Variants in LARGE1 observed in about 807,000 individuals in gnomAD.
The protein encoded by LARGE1 is LARGE xylosyl- and glucuronyltransferase 1, also known as xylosyl- and glucuronyltransferase LARGE1.
A neutral mutation model predicts 87.6 loss-of-function variants in LARGE1; 43 were observed. The observed-to-expected ratio is 0.49, with a 90% CI of 0.38 to 0.63. The LOEUF (loss-of-function observed/expected upper bound fraction) is 0.63. Among genes scored for constraint, LARGE1 ranks in the 30% least tolerant of loss-of-function variants. The pLI is 0.00. For missense variants in LARGE1, 802 were observed against 1,000.2 expected, an observed-to-expected ratio of 0.80 and a Z score of 2.67; for synonymous variants, 434 against 394.6, an observed-to-expected ratio of 1.10 and a Z score of -1.18.
the LARGE1 span, among the ~76,000 whole-genome samples, chr22:33,120,407 T>TTTCTTTCA: frequency 1.0e-5 from 1 of 99,180 alleles, no homozygotes; most frequent in Non-Finnish European, 1.9e-5. Context: ...TCTTTCTTTC[T>TTTCTTTCA]TTCCTTCTTT....
chr22:33,346,535 T>G (rs1356662079), intron 9 of LARGE1, among the ~76,000 whole-genome samples: 1 of 152,166 alleles, frequency 6.6e-6, no homozygotes, highest in Non-Finnish European at 1.5e-5. Context: ...ACTCCTGACC[T>G]CAGTTGATCT....
chr22:33,164,420 T>C (rs1922153976), exon 12 of LARGE1: 1 of 152,184 alleles, frequency 6.6e-6, no homozygotes, highest in African/African-American at 2.4e-5. Context: ...TTTCTTGTTT[T>C]TCTTCTATTG....
the LARGE1 span, chr22:33,109,054 C>A: frequency 6.6e-6 from 1 of 152,042 alleles, no homozygotes; most frequent in South Asian, 2.1e-4. Flanking sequence ...AATGTCTGTC[C>A]AATACATTGT....
intron 13 of LARGE1, among the ~76,000 whole-genome samples, chr22:33,282,703 AGTT>A (rs1318664153): frequency 6.6e-6 from 1 of 152,228 alleles, no homozygotes; most frequent in Non-Finnish European, 1.5e-5. Flanking sequence ...GATGACTTGA[AGTT>A]GTTGACACAA....
At chr22:33,844,360 C>T (rs1251107972) in intron 1 of LARGE1, among the ~76,000 whole-genome samples, 2 of 152,180 alleles carry the variant, frequency 1.3e-5, no homozygotes, top group African/African-American at 4.8e-5. Flanking sequence ...ATAATGCTCC[C>T]TGGCACAGGG....
intron 1 of LARGE1, among the ~76,000 whole-genome samples, chr22:33,887,671 A>G (rs2146807627): frequency 6.6e-6 from 1 of 151,782 alleles, no homozygotes; most frequent in South Asian, 2.1e-4. Flanking sequence ...CTGGAGGTGG[A>G]GGTTGTGGTG....
chr22:33,428,438 C>T (rs1373790144), intron 7 of LARGE1, among the ~76,000 whole-genome samples: 1 of 151,138 alleles, frequency 6.6e-6, no homozygotes, highest in African/African-American at 2.4e-5. Flanking sequence ...CTCAGCCTCC[C>T]GAGTAGCTGG....
chr22:33,429,064 C>T (rs2066989362), intron 7 of LARGE1, among the ~76,000 whole-genome samples: 1 of 151,340 alleles, frequency 6.6e-6, no homozygotes, highest in South Asian at 2.1e-4. Flanking sequence ...GAGTTCCTAA[C>T]ATCAAGCTGA....
chr22:33,416,077 G>C (rs2066475692), intron 7 of LARGE1, among the ~76,000 whole-genome samples: 1 of 151,886 alleles, frequency 6.6e-6, no homozygotes, highest in South Asian at 2.1e-4. Context: ...TGCCAATCTC[G>C]TGAGTCTACA....
intron 5 of LARGE1, among the ~76,000 whole-genome samples, chr22:33,582,039 C>T (rs2078536382): frequency 6.6e-6 from 1 of 152,162 alleles, no homozygotes; most frequent in South Asian, 2.1e-4. Context: ...TGGGGTCACC[C>T]CAATTGTGTC....
Position 33,397,403 on chromosome 22 carries a change from T to C in LARGE1, c.893-13099A>G, listed in dbSNP as rs5998918. Reference sequence around the variant, plus strand: ...GTGCTGGGATTACAGGCATGAGCCATGGTGCCTGCCCTCATCTCGCCTTCT... The same window carrying C: ...GTGCTGGGATTACAGGCATGAGCCACGGTGCCTGCCCTCATCTCGCCTTCT... On this transcript the variant is annotated intron_variant, in intron 7 of 14. Transcript: ENST00000397394. Among the ~76,000 whole-genome samples, 1,358 of 152,310 alleles carry C rather than the reference T, an allele frequency of 8.9e-3. 21 individuals are homozygous for C. Among genetic ancestry groups the C allele is most frequent in the African/African-American group, 0.031 (1,285 of 41,568 alleles).
In LARGE1 at chr22:33,417,692, C is replaced by T. The variant is rs367944651; in HGVS notation, c.892+14469G>A. Reference sequence around the variant, plus strand: ...AGGTGCAGCCATCCAGGGCTCTTGCCCGGGGCTCTCGGGGAGAAACCACTT... The same window carrying T: ...AGGTGCAGCCATCCAGGGCTCTTGCTCGGGGCTCTCGGGGAGAAACCACTT... On this transcript the variant is annotated intron_variant, in intron 7 of 14. Coordinates refer to ENST00000397394, the MANE Select transcript of LARGE1 (RefSeq NM_133642.5). 7.9e-5 allele frequency among the ~76,000 whole-genome samples: 12 copies of T among 152,262 alleles called. No individual in the cohort carries two copies. In the East Asian group the frequency reaches 1.9e-3, roughly 25 times the overall value.
At chr22:33,082,232 C>T in the LARGE1 span, among the ~76,000 whole-genome samples, 1 of 152,164 alleles carries the variant, frequency 6.6e-6, no homozygotes, top group Non-Finnish European at 1.5e-5. Context: ...CCCAGCAGAG[C>T]AGTGAAATAC....
At chr22:33,087,028 G>T in the LARGE1 span, among the ~76,000 whole-genome samples, 1 of 152,006 alleles carries the variant, frequency 6.6e-6, no homozygotes, top group South Asian at 2.1e-4. Context: ...TAAATGTCTC[G>T]ATACTGTCTA....
intron 7 of LARGE1, among the ~76,000 whole-genome samples, chr22:33,426,536 T>G (rs1458935210): frequency 6.6e-6 from 1 of 152,208 alleles, no homozygotes. Flanking sequence ...TGAGCCTAGA[T>G]TGCATATTTC....
intron 5 of LARGE1, among the ~76,000 whole-genome samples, chr22:33,587,881 G>A (rs2078722889): frequency 6.6e-6 from 1 of 151,518 alleles, no homozygotes; most frequent in Admixed American, 6.6e-5. Context: ...TTTTAATCTG[G>A]TGATATCTTA....
intron 1 of LARGE1, among the ~76,000 whole-genome samples, chr22:33,762,763 G>C (rs1366148219): frequency 6.6e-6 from 1 of 152,180 alleles, no homozygotes; most frequent in African/African-American, 2.4e-5. Context: ...CTGATTATTT[G>C]ACCAGGGAAT....
chr22:33,178,576 A>C (rs1759238984), intron 11 of LARGE1, among the ~76,000 whole-genome samples: 1 of 152,208 alleles, frequency 6.6e-6, no homozygotes, highest in Non-Finnish European at 1.5e-5. Context: ...GAATTCTTCA[A>C]ACTATATTTT....
At chr22:33,899,515 T>G (rs1299261970) in intron 1 of LARGE1, among the ~76,000 whole-genome samples, 2 of 152,210 alleles carry the variant, frequency 1.3e-5, no homozygotes, top group African/African-American at 2.4e-5. Flanking sequence ...GGGATAGCTT[T>G]GCCTGGAAGC....
Sources: gnomAD v4.1 joint callset for allele counts (sites outside exome capture counted in the v4.1 genomes callset) on GRCh38, gnomAD v4.1.1 for gene constraint, MANE v1.5 for transcripts, NCBI Gene and HGNC (gene_info 2026-07-23, HGNC 2026-07-21) for gene names.